CYP7B1: variants seen among roughly 807,000 people sequenced by gnomAD.
CYP7B1 encodes cytochrome P450 7B1.
CYP7B1 carries 29 observed loss-of-function variants against 42.7 expected under a neutral mutation model. The ratio of observed to expected loss-of-function variants is 0.68; its 90% CI spans 0.51 to 0.93. The LOEUF (loss-of-function observed/expected upper bound fraction) is 0.93, where lower values mean the gene tolerates loss of function less well. Among genes scored for constraint, CYP7B1 ranks in the 40% least tolerant of loss-of-function variants. CYP7B1 has a pLI of 0.00. For missense variants in CYP7B1, 655 were observed against 600.5 expected, an observed-to-expected ratio of 1.09 and a Z score of -0.95; for synonymous variants, 235 against 218.2, an observed-to-expected ratio of 1.08 and a Z score of -0.68.
chr8:64,720,337 G>A (rs565860186), intron 1 of CYP7B1, among the ~76,000 whole-genome samples: 41 of 152,168 alleles, frequency 2.7e-4, no homozygotes, highest in Middle Eastern at 6.8e-3. Flanking sequence ...CAATATCAAT[G>A]AAAGAAACAA....
intron 1 of CYP7B1, among the ~76,000 whole-genome samples, chr8:64,641,596 T>C (rs917943171): frequency 1.3e-5 from 2 of 152,202 alleles, no homozygotes; most frequent in African/African-American, 4.8e-5. Context: ...AGGAATATGA[T>C]AACTTGATAG....
intron 1 of CYP7B1, among the ~76,000 whole-genome samples, chr8:64,700,606 G>C (rs1806901243): frequency 6.6e-6 from 1 of 152,140 alleles, no homozygotes; most frequent in African/African-American, 2.4e-5. Flanking sequence ...TAAGTGTACA[G>C]AGGTGTGGAC....
intron 1 of CYP7B1, among the ~76,000 whole-genome samples, chr8:64,655,804 T>C (rs1182551988): frequency 6.6e-6 from 1 of 152,214 alleles, no homozygotes; most frequent in African/African-American, 2.4e-5. Context: ...GTGATACATA[T>C]ATACCATGGA....
At chr8:64,597,315 C>T (rs767896603) in intron 5 of CYP7B1, among the ~76,000 whole-genome samples, 13 of 152,076 alleles carry the variant, frequency 8.5e-5, no homozygotes, top group African/African-American at 1.4e-4. Context: ...CATTGTTACC[C>T]GGGTCTGATG....
chr8:64,724,096 TG>T (rs1423388008), intron 1 of CYP7B1, among the ~76,000 whole-genome samples: 18 of 150,854 alleles, frequency 1.2e-4, no homozygotes, highest in Non-Finnish European at 2.4e-4. Context: ...GGAACGGGGT[TG>T]GGGGAGGTAG....
intron 1 of CYP7B1, chr8:64,728,772 T>C (rs1185032631): frequency 6.6e-6 from 1 of 152,196 alleles, no homozygotes; most frequent in Non-Finnish European, 1.5e-5. Context: ...GAAATTCAGT[T>C]TCAAAATGTT....
chr8:64,655,230 C>G (rs926637488), intron 1 of CYP7B1, among the ~76,000 whole-genome samples: 6 of 152,124 alleles, frequency 3.9e-5, no homozygotes, highest in African/African-American at 1.4e-4. Flanking sequence ...ACAGAGTAAA[C>G]AGACAACCTA....
At chr8:64,718,619 A>G (rs1807192070) in intron 1 of CYP7B1, among the ~76,000 whole-genome samples, 1 of 152,180 alleles carries the variant, frequency 6.6e-6, no homozygotes, top group African/African-American at 2.4e-5. Flanking sequence ...AAAGCCAAAC[A>G]TGCAGCCATT....
At chr8:64,614,945 T>G in intron 4 of CYP7B1, 81 bp downstream of exon 4, 1 of 1,379,642 alleles carries the variant, frequency 7.2e-7, no homozygotes, top group Non-Finnish European at 1.0e-6. Context: ...GTCCTCTACC[T>G]CTTGGTAAAC....
chr8:64,691,483 G>GGC (rs564758138), intron 1 of CYP7B1, among the ~76,000 whole-genome samples: 15 of 15,538 alleles, frequency 9.7e-4, no homozygotes, highest in East Asian at 5.8e-3. Flanking sequence ...GATGGCAACT[G>GGC]GGGGGGGGGG....
intron 1 of CYP7B1, among the ~76,000 whole-genome samples, chr8:64,708,677 G>A (rs907322414): frequency 7.2e-5 from 11 of 152,092 alleles, no homozygotes; most frequent in Admixed American, 6.6e-4. Flanking sequence ...TGTTTTGTTA[G>A]AAATTAATAA....
intron 1 of CYP7B1, among the ~76,000 whole-genome samples, chr8:64,629,365 T>C (rs780636798): frequency 5.9e-5 from 9 of 152,094 alleles, no homozygotes; most frequent in Non-Finnish European, 1.0e-4. Context: ...AAGTAGGTGG[T>C]GAGCAACCTT....
At chr8:64,685,813 C>G (rs1479200838) in intron 1 of CYP7B1, among the ~76,000 whole-genome samples, 5 of 52,432 alleles carry the variant, frequency 9.5e-5, no homozygotes, top group African/African-American at 3.0e-4. Context: ...GCCGTGCCAT[C>G]CGGGAGGGAG....
At chr8:64,669,280 T>C (rs1806329242) in intron 1 of CYP7B1, among the ~76,000 whole-genome samples, 2 of 152,112 alleles carry the variant, frequency 1.3e-5, no homozygotes, top group Non-Finnish European at 2.9e-5. Context: ...ATCGTACTGA[T>C]ACAAAATGAT....
At chr8:64,600,989 A>C (rs1188874739) in intron 5 of CYP7B1, among the ~76,000 whole-genome samples, 1 of 152,178 alleles carries the variant, frequency 6.6e-6, no homozygotes, top group African/African-American at 2.4e-5. Flanking sequence ...ATAGTAATTA[A>C]TTGATATATG....
At chr8:64,599,887 GC>G (rs1212200727) in intron 5 of CYP7B1, among the ~76,000 whole-genome samples, 2 of 152,196 alleles carry the variant, frequency 1.3e-5, no homozygotes. Context: ...CTGCTATCAG[GC>G]TAAAGACAGA....
intron 1 of CYP7B1, among the ~76,000 whole-genome samples, chr8:64,672,039 G>A (rs1016135992): frequency 6.6e-6 from 1 of 152,090 alleles, no homozygotes; most frequent in African/African-American, 2.4e-5. Flanking sequence ...AATAAGAGCT[G>A]ACATTCTCAT....
At chr8:64,604,148 C>T (rs1805241469) in intron 5 of CYP7B1, among the ~76,000 whole-genome samples, 1 of 152,144 alleles carries the variant, frequency 6.6e-6, no homozygotes, top group South Asian at 2.1e-4. Flanking sequence ...CACCCGTGAG[C>T]AGCAGCTTTA....
intron 1 of CYP7B1, among the ~76,000 whole-genome samples, chr8:64,653,549 A>G (rs1478432858): frequency 6.6e-6 from 1 of 152,228 alleles, no homozygotes; most frequent in Non-Finnish European, 1.5e-5. Flanking sequence ...TGATGGATTC[A>G]CAGCCAAATT....
Sources: allele counts gnomAD v4.1 joint callset (sites outside exome capture counted in the v4.1 genomes callset), GRCh38; gene constraint gnomAD v4.1.1; transcripts MANE v1.5; gene names NCBI Gene and HGNC (gene_info 2026-07-23, HGNC 2026-07-21).